Variants in NHS observed in about 807,000 individuals in gnomAD.
NHS encodes NHS actin remodeling regulator, also known as actin remodeling regulator NHS.
In NHS, 5 loss-of-function variants were observed where a neutral mutation model predicts 72.5. The ratio of observed to expected loss-of-function variants is 0.07; its 90% CI spans 0.04 to 0.14. The LOEUF is 0.14. Among genes scored for constraint, NHS ranks in the 10% least tolerant of loss-of-function variants. The probability of loss-of-function intolerance (pLI) is 1.00; values close to 1 mark genes in which losing one functional copy is unlikely to be tolerated. For synonymous variants in NHS, 464 were observed against 547.7 expected, an observed-to-expected ratio of 0.85 and a Z score of 2.13; for missense variants, 1,072 against 1,355.7, an observed-to-expected ratio of 0.79 and a Z score of 3.29.
chrX:17,608,567 T>G (rs1196394980), intron 1 of NHS, among the ~76,000 whole-genome samples: 1 of 111,962 alleles, frequency 8.9e-6, no homozygotes, highest in African/African-American at 3.3e-5. Flanking sequence ...AAAGAGAACA[T>G]TAAGATATCT....
intron 3 of NHS, among the ~76,000 whole-genome samples, chrX:17,710,137 T>G (rs976963966): frequency 8.9e-6 from 1 of 111,989 alleles, no homozygotes; most frequent in African/African-American, 3.2e-5. Flanking sequence ...AAGAAAGAAA[T>G]GTTTGCAAAG....
chrX:17,580,092 T>TG (rs1234457760), intron 1 of NHS, among the ~76,000 whole-genome samples: 25 of 110,242 alleles, frequency 2.3e-4, no homozygotes, highest in African/African-American at 7.9e-4. Flanking sequence ...TCTGCTCTTT[T>TG]GGGGAACTCA....
chrX:17,678,116 C>A (rs2066095757), intron 1 of NHS, among the ~76,000 whole-genome samples: 1 of 111,713 alleles, frequency 9.0e-6, no homozygotes, highest in Non-Finnish European at 1.9e-5. Flanking sequence ...TTTTAAAAAG[C>A]AGTATACAAT....
intron 1 of NHS, among the ~76,000 whole-genome samples, chrX:17,457,756 T>C (rs1601715089): frequency 9.0e-6 from 1 of 111,647 alleles, no homozygotes; most frequent in East Asian, 2.8e-4. Flanking sequence ...GAGAGCATCA[T>C]ATACAGTGAA....
rs1026319462 is a variant in NHS, at chrX:17,441,256, G to A, written c.565+64934G>A. ...CCATCCGTAATCTCAATTCATCCTC[G>A]CAATACCCTTTTCTATAGATGAGAA... On this transcript the variant is annotated intron_variant, in intron 1 of 8. Transcript: ENST00000676302. Among the ~76,000 whole-genome samples, 77 of 111,904 alleles carry A rather than the reference G, an allele frequency of 6.9e-4. 2 individuals are homozygous for A. The highest frequency in any genetic ancestry group is 1.9e-4 in the African/African-American group (6 of 30,789).
At chrX:17,410,516 CTTTT>C (rs200959395) in intron 1 of NHS, among the ~76,000 whole-genome samples, 10 of 82,223 alleles carry the variant, frequency 1.2e-4, no homozygotes, top group African/African-American at 3.3e-4. Flanking sequence ...CAACTCTCTG[CTTTT>C]TTTTTTTTTT....
rs140630965 is a variant in NHS at position 17,474,776 on chromosome X, A to G, written c.565+98454A>G. Among the ~76,000 whole-genome samples, 134 of 111,789 alleles carry G rather than the reference A, an allele frequency of 1.2e-3. 1 individual carries two copies. Among genetic ancestry groups the G allele is most frequent in the Admixed American group, 1.7e-3 (18 of 10,525 alleles). ...AAAAGCTGTGAGCCCTCAGAAGCCA[A>G]TAATCCCAGCAGTTGGGAGATGGGG... On this transcript the variant is annotated intron_variant, in intron 1 of 8. Transcript: ENST00000676302.
chrX:17,719,228 G>C, intron 3 of NHS, 116 bp from the exon 4 acceptor site: 2 of 592,067 alleles, frequency 3.4e-6, no homozygotes, highest in Non-Finnish European at 2.7e-6. Context: ...AGGAAGGAAG[G>C]AAGGAAGTTA....
chrX:17,685,782 T>G (rs748991762), intron 1 of NHS, among the ~76,000 whole-genome samples: 53 of 112,011 alleles, frequency 4.7e-4, no homozygotes, highest in African/African-American at 1.7e-3. Flanking sequence ...CTCTAGAGTC[T>G]TGATGCCTGA....
rs750677328 is a variant in NHS at position 17,664,593 on chromosome X, G to GTCTT, written c.566-23148_566-23145dup. 8.0e-5 allele frequency among the ~76,000 whole-genome samples: 9 copies of GTCTT among 112,211 alleles called. No homozygotes were observed. The South Asian group carries it at 3.3e-3, about 41-fold the overall frequency. ...TCTACTTTCTTGCCAAAACCACACTGTCTTGACCTCTGTAGATTTATAGTA... is the reference window on the plus strand; with the variant it reads ...TCTACTTTCTTGCCAAAACCACACTGTCTTTCTTGACCTCTGTAGATTTATAGTA... On this transcript the variant is annotated intron_variant, in intron 1 of 8. Coordinates refer to ENST00000676302, the MANE Select transcript of NHS (RefSeq NM_001291867.2).
At chrX:17,694,812 C>G (rs1209134875) in intron 3 of NHS, among the ~76,000 whole-genome samples, 2 of 111,763 alleles carry the variant, frequency 1.8e-5, no homozygotes, top group African/African-American at 3.3e-5. Flanking sequence ...CCTGAAGTAT[C>G]TATAATATGG....
chrX:17,726,101 G>A lies in NHS; in HGVS notation c.1995G>A (p.Ser665=), dbSNP rs779565943. The A allele has an allele frequency of 1.6e-4, 197 of 1,210,072 alleles. No individual in the cohort carries two copies. The highest frequency in any genetic ancestry group is 2.0e-4 in the Non-Finnish European group (180 of 895,242). Reference sequence around the variant, plus strand: ...TCACTGGCTCTTCACACTGTGACTCGGAGTTGTCACTAAACACAGCCCCTC... The same window carrying A: ...TCACTGGCTCTTCACACTGTGACTCAGAGTTGTCACTAAACACAGCCCCTC... ...PPLTGSSHCD[S]ELSLNTAPHA... is the part of the protein sequence containing the mutation. The change falls in exon 7 of 9, where the codon TCG becomes TCA. Residue 665 remains serine (S), a synonymous_variant. Coordinates refer to ENST00000676302, the MANE Select transcript of NHS (RefSeq NM_001291867.2).
intron 1 of NHS, among the ~76,000 whole-genome samples, chrX:17,551,868 A>G (rs1471063691): frequency 2.7e-5 from 3 of 111,937 alleles, no homozygotes; most frequent in African/African-American, 9.7e-5. Flanking sequence ...CAGCCGTTCA[A>G]TGCAGGGTGC....
chrX:17,679,124 C>T (rs2066106940), intron 1 of NHS, among the ~76,000 whole-genome samples: 1 of 110,397 alleles, frequency 9.1e-6, no homozygotes, highest in Non-Finnish European at 1.9e-5. Flanking sequence ...TGCCCTCCCC[C>T]ACTCACTTTC....
At chrX:17,723,372 A>G (rs2066417095) in intron 5 of NHS, among the ~76,000 whole-genome samples, 1 of 111,967 alleles carries the variant, frequency 8.9e-6, no homozygotes, top group Non-Finnish European at 1.9e-5. Context: ...TGCAGACAAG[A>G]GTTTGAGTTC....
chrX:17,474,680 T>C (rs2064906778), intron 1 of NHS, among the ~76,000 whole-genome samples: 1 of 111,998 alleles, frequency 8.9e-6, no homozygotes, highest in Admixed American at 9.5e-5. Context: ...GGATGCAAGT[T>C]TCCTCTAGGT....
rs753594230 is a variant in NHS at position 17,696,945 on chromosome X, A to C, written c.852+4477A>C. ...TTACAAGGTGAGGGAGGGCAGATTCAGAAAGCCACATGGAAGAAATGAACT... is the reference window on the plus strand; with the variant it reads ...TTACAAGGTGAGGGAGGGCAGATTCCGAAAGCCACATGGAAGAAATGAACT... On this transcript the variant is annotated intron_variant, in intron 3 of 8. Transcript: ENST00000676302. Among the ~76,000 whole-genome samples, 178 of 111,810 alleles carry C rather than the reference A, an allele frequency of 1.6e-3. 1 individual carries two copies. Among genetic ancestry groups the C allele is most frequent in the African/African-American group, 5.8e-3 (177 of 30,772 alleles).
At chrX:17,438,962 T>A (rs924583801) in intron 1 of NHS, among the ~76,000 whole-genome samples, 1 of 109,048 alleles carries the variant, frequency 9.2e-6, no homozygotes, top group Non-Finnish European at 1.9e-5. Context: ...TTGTCTGGAG[T>A]AATGCCCTTC....
intron 1 of NHS, among the ~76,000 whole-genome samples, chrX:17,466,117 A>G (rs149502735): frequency 0.011 from 1,222 of 113,279 alleles, 15 homozygotes; most frequent in African/African-American, 0.037. Flanking sequence ...TTGGTCTGAA[A>G]CCAAATAAAG....
Sources: allele counts gnomAD v4.1 joint callset (sites outside exome capture counted in the v4.1 genomes callset), GRCh38; gene constraint gnomAD v4.1.1; transcripts MANE v1.5; gene names NCBI Gene and HGNC (gene_info 2026-07-23, HGNC 2026-07-21).